Variants in SPAG17 observed in about 807,000 individuals in gnomAD.
SPAG17 encodes sperm-associated antigen 17.
Under a neutral mutation model 273.6 loss-of-function variants are expected in SPAG17, and 169 were observed. The ratio of observed to expected loss-of-function variants is 0.62; its 90% CI spans 0.55 to 0.70. The LOEUF (loss-of-function observed/expected upper bound fraction) is 0.70, where lower values mean the gene tolerates loss of function less well. Ranked by LOEUF, SPAG17 falls within the 30% of genes least tolerant of loss-of-function variation. The pLI is 0.00. For synonymous variants in SPAG17, 825 were observed against 873.2 expected (o/e 0.94, Z 0.97); for missense variants, 2,557 against 2,627.8 (o/e 0.97, Z 0.59).
At chr1:117,978,534 C>A (rs1655379490) in intron 43 of SPAG17, among the ~76,000 whole-genome samples, 1 of 152,152 alleles carries the variant, frequency 6.6e-6, no homozygotes, top group Non-Finnish European at 1.5e-5. Flanking sequence ...TATGCCTAAT[C>A]TTTAGAAAAA....
At chr1:118,057,043 C>T (rs1055213260) in intron 18 of SPAG17, among the ~76,000 whole-genome samples, 8 of 151,792 alleles carry the variant, frequency 5.3e-5, no homozygotes, top group Middle Eastern at 3.4e-3. Context: ...GGCGCTACCA[C>T]TTGGTTCACT....
At chr1:118,031,177 C>CTTTTTTTT (rs1015324627) in intron 25 of SPAG17, among the ~76,000 whole-genome samples, 2 of 54,916 alleles carry the variant, frequency 3.6e-5, no homozygotes, top group Admixed American at 1.9e-4. Context: ...GAGGACTACT[C>CTTTTTTTT]TTTTTTTTTT....
chr1:118,129,643 CT>C (rs759446956), intron 3 of SPAG17, among the ~76,000 whole-genome samples: 7 of 152,076 alleles, frequency 4.6e-5, no homozygotes, highest in Non-Finnish European at 7.4e-5. Context: ...CCTCCTCCCC[CT>C]GCCCATCCTC....
In SPAG17 at chr1:118,047,307, C is replaced by G. The variant is rs1025696445; in HGVS notation, c.2815-5265G>C. Among the ~76,000 whole-genome samples, 15 of 152,178 alleles carry G rather than the reference C, an allele frequency of 9.9e-5. 2 individuals are homozygous for G. On this transcript the variant is annotated intron_variant, in intron 20 of 48. Coordinates refer to ENST00000336338, the MANE Select transcript of SPAG17 (RefSeq NM_206996.4). The stretch of plus-strand genomic sequence containing the variant: ...TAACAACTACCCACACATGAAAACA[C>G]CTTCACAAGAGCCAGGAAAACCAGG...
At position 118,025,392 on chromosome 1, in the gene SPAG17, G is replaced by C; in HGVS notation, c.3755C>G (p.Pro1252Arg). ...STGQYVIDEE[P>R]TWDIMVRQSY... Reference sequence around the variant, plus strand: ...CTGACGGACCATGATGTCCCAGGTGGGTTCCTCATCTATAACATATTGACC... The same window carrying C: ...CTGACGGACCATGATGTCCCAGGTGCGTTCCTCATCTATAACATATTGACC... Residue 1252 changes from proline (P) to arginine (R), a missense_variant, in exon 27 of 49, where the codon CCC becomes CGC. By Grantham distance (103) the Pro-to-Arg change is moderately radical (BLOSUM62 -2). Coordinates refer to ENST00000336338, the MANE Select transcript of SPAG17 (RefSeq NM_206996.4). The C allele has an allele frequency of 6.3e-7, 1 of 1,595,520 alleles. No homozygotes were observed. Among genetic ancestry groups the C allele is most frequent in the Non-Finnish European group, 8.5e-7 (1 of 1,172,884 alleles).
At chr1:117,985,971 C>A (rs997261457) in intron 40 of SPAG17, among the ~76,000 whole-genome samples, 1 of 152,136 alleles carries the variant, frequency 6.6e-6, no homozygotes, top group Non-Finnish European at 1.5e-5. Flanking sequence ...CTAAAAGAGA[C>A]CTTAGATATT....
chr1:118,123,136 C>T (rs1657517340), intron 3 of SPAG17, among the ~76,000 whole-genome samples: 1 of 152,124 alleles, frequency 6.6e-6, no homozygotes, highest in Non-Finnish European at 1.5e-5. Context: ...GGAGGAATTC[C>T]ATCAATAGTG....
At chr1:118,099,947 T>C in intron 5 of SPAG17, 147 bp from the exon 6 acceptor site, 2 of 638,180 alleles carry the variant, frequency 3.1e-6, no homozygotes, top group Non-Finnish European at 5.3e-6. Context: ...AATGCAGTCA[T>C]GTTGACTGTT....
At position 118,020,208 on chromosome 1, in the gene SPAG17, C is replaced by T. The variant is rs554171940; in HGVS notation, c.4069+3096G>A. Among the ~76,000 whole-genome samples the T allele has an allele frequency of 1.1e-3, 173 of 152,266 alleles. 1 individual carries two copies. The highest frequency in any genetic ancestry group is 2.2e-3 in the Non-Finnish European group (147 of 68,010). Reference sequence around the variant, plus strand: ...CCAAGGCAAGCGGATCACTTTAGGTCAGGAGTTCAAGACCAGCCTGGCCAA... The same window carrying T: ...CCAAGGCAAGCGGATCACTTTAGGTTAGGAGTTCAAGACCAGCCTGGCCAA... On this transcript the variant is annotated intron_variant, in intron 28 of 48. Transcript: ENST00000336338.
chr1:117,975,022 T>G (rs2101542374), intron 43 of SPAG17, among the ~76,000 whole-genome samples: 1 of 152,260 alleles, frequency 6.6e-6, no homozygotes, highest in Middle Eastern at 3.4e-3. Flanking sequence ...GCCCAGTCAA[T>G]GAGGGCCCTT....
intron 24 of SPAG17, among the ~76,000 whole-genome samples, chr1:118,032,628 TCTGTCACCCA>T: frequency 6.6e-6 from 1 of 152,186 alleles, no homozygotes; most frequent in South Asian, 2.1e-4. Flanking sequence ...AGAGTGTCAC[TCTGTCACCCA>T]GGCTGGAGTG....
intron 48 of SPAG17, chr1:117,961,203 A>C (rs1312767452): frequency 6.6e-6 from 1 of 152,218 alleles, no homozygotes; most frequent in Non-Finnish European, 1.5e-5. Flanking sequence ...GAATCACTTG[A>C]ACCCGGCAGG....
At chr1:118,112,681 T>A (rs1367895329) in intron 4 of SPAG17, among the ~76,000 whole-genome samples, 4 of 152,096 alleles carry the variant, frequency 2.6e-5, no homozygotes, top group Non-Finnish European at 4.4e-5. Context: ...CGGATAGATT[T>A]AAGTTATTTG....
At chr1:118,154,540 G>C (rs1259824130) in intron 1 of SPAG17, among the ~76,000 whole-genome samples, 2 of 152,132 alleles carry the variant, frequency 1.3e-5, no homozygotes, top group Non-Finnish European at 2.9e-5. Flanking sequence ...ATTTCTGAGT[G>C]TTTCTCTTAG....
At chr1:118,025,489 AT>A (rs1647639924) in intron 26 of SPAG17, 73 bp from the exon 27 acceptor site, 3 of 1,131,136 alleles carry the variant, frequency 2.7e-6, no homozygotes, top group African/African-American at 1.6e-5. Context: ...TTGCTTAATT[AT>A]TTTCTTTTTC....
chr1:117,956,451 A>G (rs1488194836), intron 48 of SPAG17, among the ~76,000 whole-genome samples: 1 of 152,238 alleles, frequency 6.6e-6, no homozygotes, highest in Admixed American at 6.5e-5. Context: ...TAAAGATGAA[A>G]CTTCACTACA....
intron 28 of SPAG17, 50 bp downstream of exon 28, chr1:118,023,254 C>A: frequency 6.7e-7 from 1 of 1,484,398 alleles, no homozygotes; most frequent in Non-Finnish European, 9.2e-7. Context: ...TTATTAAGCC[C>A]TTGAAGGCTT....
At chr1:118,078,298 C>T (rs1654268685) in intron 15 of SPAG17, among the ~76,000 whole-genome samples, 2 of 151,958 alleles carry the variant, frequency 1.3e-5, no homozygotes, top group Non-Finnish European at 2.9e-5. Context: ...AATTTTGGCC[C>T]ATAACCACTT....
intron 28 of SPAG17, among the ~76,000 whole-genome samples, chr1:118,020,544 TC>T (rs2101826802): frequency 6.6e-6 from 1 of 152,026 alleles, no homozygotes; most frequent in African/African-American, 2.4e-5. Flanking sequence ...TATCATCATA[TC>T]CTTAAAATAT....
Sources: gnomAD v4.1 joint callset for allele counts (sites outside exome capture counted in the v4.1 genomes callset) on GRCh38, gnomAD v4.1.1 for gene constraint, MANE v1.5 for transcripts, NCBI Gene and HGNC (gene_info 2026-07-23, HGNC 2026-07-21) for gene names.